GALK2: variants seen among roughly 807,000 people sequenced by gnomAD.
The protein encoded by GALK2 is galactokinase 2.
A neutral mutation model predicts 52.4 loss-of-function variants in GALK2; 36 were observed. The observed-to-expected ratio is 0.69, with a 90% CI of 0.53 to 0.91. GALK2 has a LOEUF of 0.91. Ranked by LOEUF, GALK2 falls within the 40% of genes least tolerant of loss-of-function variation. The probability of loss-of-function intolerance (pLI) is 0.00; values close to 1 mark genes in which losing one functional copy is unlikely to be tolerated. For missense variants in GALK2, 579 were observed against 559.1 expected, an observed-to-expected ratio of 1.04 and a Z score of -0.36; for synonymous variants, 176 against 199.1, an observed-to-expected ratio of 0.88 and a Z score of 0.98.
chr15:49,346,640 T>C (rs1346191111), intron 3 of GALK2, among the ~76,000 whole-genome samples: 1 of 152,180 alleles, frequency 6.6e-6, no homozygotes, highest in Non-Finnish European at 1.5e-5. Context: ...CTTTGCTGTC[T>C]ATCTTGTATC....
At chr15:49,345,015 C>G (rs978615339) in intron 3 of GALK2, among the ~76,000 whole-genome samples, 1 of 152,168 alleles carries the variant, frequency 6.6e-6, no homozygotes, top group African/African-American at 2.4e-5. Flanking sequence ...TTGCATACAG[C>G]TATTACCTGC....
chr15:49,292,376 A>T lies in GALK2; in HGVS notation c.806A>T (p.Glu269Val). The change falls in exon 8 of 10, where the codon GAG (glutamate) becomes GTG (valine). Residue 269 changes from glutamate (E) to valine (V), a missense_variant. By Grantham distance (121) the Glu-to-Val change is moderately radical. Coordinates refer to ENST00000560031, the MANE Select transcript of GALK2 (RefSeq NM_002044.4). ...SLQWDKVLRL[E>V]EVQAKLGISL... ...CAATGGGACAAAGTACTGAGGCTGG[A>T]GGAGGTGCAGGCTAAACTAGGGATT... The T allele has an allele frequency of 6.2e-7, 1 of 1,614,090 alleles. No homozygotes were observed. Among genetic ancestry groups the T allele is most frequent in the Non-Finnish European group, 8.5e-7 (1 of 1,179,958 alleles).
chr15:49,328,814 AATTCAGACTC>A lies in GALK2; in HGVS notation c.*659_*668del, dbSNP rs910997576. The A allele has an allele frequency of 2.1e-6, 3 of 1,417,408 alleles. No individual in the cohort carries two copies. The African/African-American group carries it at 4.3e-5, about 20-fold the overall frequency. The allele number at this position is 1,417,408 out of a possible 1,614,324, so 87.8% of individuals were successfully genotyped here. On this transcript the variant is annotated 3_prime_UTR_variant, in exon 10 of 10. Coordinates refer to ENST00000560031, the MANE Select transcript of GALK2 (RefSeq NM_002044.4). ...TGACAAAAGGAGGATACAGGAAGAA[AATTCAGACTC>A]ATTTGAATATTTGTAAACCATGTAA...
chr15:49,259,345 C>T (rs568112401), intron 5 of GALK2, among the ~76,000 whole-genome samples: 3 of 121,336 alleles, frequency 2.5e-5, no homozygotes, highest in African/African-American at 6.1e-5. Flanking sequence ...CCCCTCCCCC[C>T]ACCCCACAAC....
intron 3 of GALK2, among the ~76,000 whole-genome samples, chr15:49,232,168 C>T (rs902119996): frequency 1.1e-4 from 16 of 152,200 alleles, no homozygotes; most frequent in Admixed American, 1.0e-3. Context: ...GGCAGAGGCT[C>T]CCGAAGCCTT....
At chr15:49,160,553 G>A (rs778219717) in intron 1 of GALK2, among the ~76,000 whole-genome samples, 1 of 152,048 alleles carries the variant, frequency 6.6e-6, no homozygotes, top group Admixed American at 6.5e-5. Context: ...GTTTACTACT[G>A]TTGACCCATC....
chr15:49,273,219 T>C (rs768778181), intron 5 of GALK2, among the ~76,000 whole-genome samples: 1 of 152,242 alleles, frequency 6.6e-6, no homozygotes, highest in Non-Finnish European at 1.5e-5. Flanking sequence ...TCTGAGTGCT[T>C]AATGCAAACT....
chr15:49,367,308 G>C, intron 3 of GALK2: 1 of 701,842 alleles, frequency 1.4e-6, no homozygotes, highest in Non-Finnish European at 2.1e-6. Flanking sequence ...AAAGTTTTAA[G>C]CATAAGTAAA....
intron 3 of GALK2, chr15:49,365,106 G>A: frequency 4.4e-6 from 3 of 682,110 alleles, no homozygotes; most frequent in Non-Finnish European, 8.0e-6. Flanking sequence ...ACACATTATA[G>A]CAGTTCCACA....
intron 7 of GALK2, among the ~76,000 whole-genome samples, chr15:49,291,285 A>G (rs2033910251): frequency 6.6e-6 from 1 of 152,168 alleles, no homozygotes; most frequent in South Asian, 2.1e-4. Flanking sequence ...CATTTCAAAT[A>G]TACGAGCCAG....
intron 8 of GALK2, among the ~76,000 whole-genome samples, chr15:49,307,028 G>T (rs2035599553): frequency 6.6e-6 from 1 of 152,132 alleles, no homozygotes; most frequent in African/African-American, 2.4e-5. Flanking sequence ...TAATTAGAAA[G>T]GAACACAAAG....
At chr15:49,320,625 A>G (rs553950524) in intron 9 of GALK2, among the ~76,000 whole-genome samples, 1 of 152,346 alleles carries the variant, frequency 6.6e-6, no homozygotes, top group East Asian at 1.9e-4. Flanking sequence ...TGCCTCAGTC[A>G]TTGCCACACT....
chr15:49,355,323 A>G (rs1001829952), intron 3 of GALK2, among the ~76,000 whole-genome samples: 2 of 152,218 alleles, frequency 1.3e-5, no homozygotes, highest in Non-Finnish European at 2.9e-5. Flanking sequence ...ACCAAAGGCA[A>G]AGAAGTTGAA....
At chr15:49,270,537 G>T (rs2030343411) in intron 5 of GALK2, among the ~76,000 whole-genome samples, 1 of 152,154 alleles carries the variant, frequency 6.6e-6, no homozygotes, top group Non-Finnish European at 1.5e-5. Context: ...TAGATGCTCT[G>T]AGCATAACAT....
At chr15:49,292,559 T>A (rs2141824809) in intron 8 of GALK2, 22 bp downstream of exon 8, 1 of 1,585,460 alleles carries the variant, frequency 6.3e-7, no homozygotes, top group Non-Finnish European at 8.7e-7. Context: ...GGAGAAAGTA[T>A]GATATATGTT....
At chr15:49,349,337 CTCT>C (rs1465367463) in intron 3 of GALK2, among the ~76,000 whole-genome samples, 1 of 152,066 alleles carries the variant, frequency 6.6e-6, no homozygotes, top group Non-Finnish European at 1.5e-5. Flanking sequence ...CATCCTCCCC[CTCT>C]TAACTGGCAG....
At chr15:49,260,982 G>C (rs997898687) in intron 5 of GALK2, among the ~76,000 whole-genome samples, 3 of 151,946 alleles carry the variant, frequency 2.0e-5, no homozygotes, top group Non-Finnish European at 2.9e-5. Context: ...TTGTAGTATA[G>C]TTTGAAGTCA....
chr15:49,255,419 C>G (rs2091774201), intron 5 of GALK2, among the ~76,000 whole-genome samples: 1 of 141,352 alleles, frequency 7.1e-6, no homozygotes, highest in African/African-American at 2.5e-5. Flanking sequence ...AGAACAGTTC[C>G]CCAGCATTTT....
intron 5 of GALK2, among the ~76,000 whole-genome samples, chr15:49,243,191 C>T (rs1031761408): frequency 4.6e-5 from 7 of 152,134 alleles, no homozygotes; most frequent in African/African-American, 1.7e-4. Flanking sequence ...CCTCTCTTCA[C>T]CTGGACCATT....
Sources: allele counts gnomAD v4.1 joint callset (sites outside exome capture counted in the v4.1 genomes callset), GRCh38; gene constraint gnomAD v4.1.1; transcripts MANE v1.5; gene names NCBI Gene and HGNC (gene_info 2026-07-23, HGNC 2026-07-21).